TTC39B: variants seen among roughly 807,000 people sequenced by gnomAD.
The protein encoded by TTC39B is tetratricopeptide repeat domain 39B.
A neutral mutation model predicts 96.6 loss-of-function variants in TTC39B; 92 were observed. The ratio of observed to expected loss-of-function variants is 0.95; its 90% CI spans 0.80 to 1.13. The LOEUF (loss-of-function observed/expected upper bound fraction) is 1.13. Ranked by LOEUF, TTC39B falls within the 50% of genes most tolerant of loss-of-function variation. The pLI, the probability that TTC39B is intolerant of heterozygous loss-of-function variation, is 0.00. For synonymous variants in TTC39B, 367 were observed against 299.4 expected, an observed-to-expected ratio of 1.23 and a Z score of -2.33; for missense variants, 955 against 809.3, an observed-to-expected ratio of 1.18 and a Z score of -2.18.
intron 2 of TTC39B, among the ~76,000 whole-genome samples, chr9:15,264,330 T>A (rs77918681): frequency 6.6e-6 from 1 of 152,084 alleles, no homozygotes; most frequent in East Asian, 1.9e-4. Flanking sequence ...TAAATTAGAT[T>A]TTTCTTCCTT....
rs1158221518 is a variant in TTC39B, at chr9:15,290,465, T to C, written c.240+16619A>G. On this transcript the variant is annotated intron_variant, in intron 1 of 19. Transcript: ENST00000512701. ...CTTGTGGGCCCCAGAATCTTTACCA[T>C]AAAACAGAGTTCTGTTCAATCTCAC... is the stretch of plus-strand genomic sequence containing the variant. Among the ~76,000 whole-genome samples the C allele has an allele frequency of 2.0e-5, 3 of 152,294 alleles. No homozygotes were observed. In the East Asian group the frequency reaches 5.8e-4, roughly 29 times the overall value.
intron 1 of TTC39B, among the ~76,000 whole-genome samples, chr9:15,304,167 A>G (rs1308314648): frequency 6.6e-6 from 1 of 152,228 alleles, no homozygotes; most frequent in Non-Finnish European, 1.5e-5. Context: ...AAGGTAACCA[A>G]CTAAAATGAC....
intron 6 of TTC39B, among the ~76,000 whole-genome samples, chr9:15,206,724 C>T (rs1586871035): frequency 1.3e-5 from 2 of 152,082 alleles, no homozygotes; most frequent in South Asian, 4.2e-4. Context: ...TCATAATAGG[C>T]TATAGTCACA....
At chr9:15,266,683 C>T (rs1029813134) in intron 2 of TTC39B, among the ~76,000 whole-genome samples, 2 of 152,090 alleles carry the variant, frequency 1.3e-5, no homozygotes, top group African/African-American at 2.4e-5. Context: ...CAAGCCCAAA[C>T]CCCCAATGTG....
Position 15,200,772 on chromosome 9 carries a change from G to A in TTC39B, c.760-847C>T, listed in dbSNP as rs10961914. On this transcript the variant is annotated intron_variant, in intron 7 of 19. Transcript: ENST00000512701. ...TCCCAGCACTTTGGGAGGCCGAGGC[G>A]GGTGGATCACCAGGTTAGGAGATCA... Among the ~76,000 whole-genome samples the A allele has an allele frequency of 3.1e-3, 473 of 152,316 alleles. 5 individuals carry two copies. The highest frequency in any genetic ancestry group is 0.011 in the African/African-American group (451 of 41,568).
chr9:15,261,843 C>A (rs1460562333), intron 2 of TTC39B, among the ~76,000 whole-genome samples: 1 of 152,158 alleles, frequency 6.6e-6, no homozygotes, highest in African/African-American at 2.4e-5. Flanking sequence ...TTATACCCAC[C>A]ACTACATTGT....
At chr9:15,280,558 A>G (rs1823722706) in intron 1 of TTC39B, among the ~76,000 whole-genome samples, 1 of 152,232 alleles carries the variant, frequency 6.6e-6, no homozygotes, top group Non-Finnish European at 1.5e-5. Context: ...AAGACTGCAG[A>G]GTCCCGCTAT....
At chr9:15,245,929 A>G (rs1337171232) in intron 2 of TTC39B, among the ~76,000 whole-genome samples, 2 of 152,210 alleles carry the variant, frequency 1.3e-5, no homozygotes, top group African/African-American at 2.4e-5. Flanking sequence ...GAACTTGGGT[A>G]GAATGGCACT....
intron 2 of TTC39B, among the ~76,000 whole-genome samples, chr9:15,262,347 C>T (rs941961051): frequency 1.3e-5 from 2 of 152,188 alleles, no homozygotes; most frequent in Non-Finnish European, 2.9e-5. Context: ...GATCCACCCA[C>T]CTCAGCCTCC....
chr9:15,285,779 C>T (rs891103596), intron 1 of TTC39B, among the ~76,000 whole-genome samples: 4 of 151,954 alleles, frequency 2.6e-5, no homozygotes, highest in South Asian at 2.1e-4. Context: ...GGCGTGAACC[C>T]GGGAGGCGGA....
chr9:15,215,403 C>T (rs756342652), intron 3 of TTC39B, among the ~76,000 whole-genome samples: 4 of 151,126 alleles, frequency 2.6e-5, no homozygotes, highest in Non-Finnish European at 5.9e-5. Context: ...ACTAAAAATA[C>T]AAAACTAGCT....
At position 15,175,008 on chromosome 9, in the gene TTC39B, T is replaced by C; in HGVS notation, c.1958+11A>G. On this transcript the variant is annotated intron_variant, in intron 19 of 19. Transcript: ENST00000512701. ...CATAACAATCAAGGAAAAGCTGCCT[T>C]CAACACTTACCTTGCAGTTTCTAGG... The C allele has an allele frequency of 6.3e-7, 1 of 1,595,674 alleles. No homozygotes were observed. Among genetic ancestry groups the C allele is most frequent in the Middle Eastern group, 1.7e-4 (1 of 6,018 alleles).
chr9:15,220,044 G>C (rs1820758871), intron 3 of TTC39B, among the ~76,000 whole-genome samples: 1 of 152,082 alleles, frequency 6.6e-6, no homozygotes, highest in African/African-American at 2.4e-5. Context: ...TTTCAACTTA[G>C]GCCAAAAAGG....
intron 19 of TTC39B, among the ~76,000 whole-genome samples, chr9:15,172,815 A>C (rs970087830): frequency 6.6e-6 from 1 of 152,182 alleles, no homozygotes; most frequent in Non-Finnish European, 1.5e-5. Context: ...ACTTATTTCT[A>C]TAGCCCTTCA....
At chr9:15,169,504 A>G (rs2118349525) in exon 20 of TTC39B, 1 of 152,318 alleles carries the variant, frequency 6.6e-6, no homozygotes, top group Admixed American at 6.5e-5. Context: ...ACACAATGGC[A>G]ACCCAACCCC....
intron 2 of TTC39B, among the ~76,000 whole-genome samples, chr9:15,267,238 T>C (rs1359960859): frequency 2.6e-5 from 4 of 152,176 alleles, no homozygotes; most frequent in African/African-American, 7.2e-5. Flanking sequence ...TGTGAGAAAA[T>C]AAATTATTGT....
At chr9:15,262,752 T>A (rs999703716) in intron 2 of TTC39B, among the ~76,000 whole-genome samples, 6 of 152,168 alleles carry the variant, frequency 3.9e-5, no homozygotes, top group African/African-American at 1.4e-4. Context: ...ATCCTTTCAT[T>A]AGGCATTCAA....
chr9:15,236,346 A>C (rs1288880541), intron 2 of TTC39B, among the ~76,000 whole-genome samples: 1 of 152,220 alleles, frequency 6.6e-6, no homozygotes, highest in Non-Finnish European at 1.5e-5. Context: ...ACCTAAGAGA[A>C]TAGACTGATA....
Position 15,190,668 on chromosome 9 carries a change from G to A in TTC39B, c.997-6C>T. 2 of 1,607,428 alleles carry A rather than the reference G, an allele frequency of 1.2e-6. No homozygotes were observed. Among genetic ancestry groups the A allele is most frequent in the East Asian group, 4.5e-5 (2 of 44,854 alleles). ...AACTGCAGGAGGCCCAACTCCTATGGGAATTAAATGCATTTTTAGAAAGAG... is the reference window on the plus strand; with the variant it reads ...AACTGCAGGAGGCCCAACTCCTATGAGAATTAAATGCATTTTTAGAAAGAG... On this transcript the variant is annotated splice_polypyrimidine_tract_variant and splice_region_variant and intron_variant, in intron 10 of 19. Coordinates refer to ENST00000512701, the Ensembl canonical transcript of TTC39B.
Sources: gnomAD v4.1 joint callset for allele counts (sites outside exome capture counted in the v4.1 genomes callset) on GRCh38, gnomAD v4.1.1 for gene constraint, MANE v1.5 for transcripts, NCBI Gene and HGNC (gene_info 2026-07-23, HGNC 2026-07-21) for gene names.